The following TENM4 variants were observed in gnomAD, a reference collection of about 807,000 sequenced individuals.
The protein encoded by TENM4 is teneurin-4.
A neutral mutation model predicts 243.3 loss-of-function variants in TENM4; 82 were observed. That is an observed-to-expected ratio of 0.34 (90% CI 0.28 to 0.40). TENM4 has a LOEUF of 0.40. TENM4 is among the 10% of genes least tolerant of loss of function. TENM4 has a pLI of 1.00. For synonymous variants in TENM4, 1,412 were observed against 1,456.3 expected (o/e 0.97, Z 0.69); for missense variants, 3,138 against 3,673.3 (o/e 0.85, Z 3.77).
intron 6 of TENM4, among the ~76,000 whole-genome samples, chr11:79,006,200 C>A (rs762300278): frequency 6.6e-5 from 10 of 152,108 alleles, no homozygotes; most frequent in Non-Finnish European, 8.8e-5. Flanking sequence ...CCTCCCTAAT[C>A]AGTACCTCCC....
chr11:79,115,075 G>A (rs1439070029), intron 4 of TENM4, among the ~76,000 whole-genome samples: 2 of 152,260 alleles, frequency 1.3e-5, no homozygotes, highest in South Asian at 4.1e-4. Flanking sequence ...ATGTATGGAG[G>A]GCTATGAAGA....
intron 6 of TENM4, among the ~76,000 whole-genome samples, chr11:78,944,736 C>G (rs1454407168): frequency 6.6e-6 from 1 of 152,202 alleles, no homozygotes; most frequent in African/African-American, 2.4e-5. Context: ...TTTCTATTTG[C>G]TAGGTACTGG....
intron 6 of TENM4, among the ~76,000 whole-genome samples, chr11:79,062,398 A>T (rs1860116034): frequency 6.6e-6 from 1 of 152,224 alleles, no homozygotes. Context: ...AGCTAGACCC[A>T]AAAAGCGTTT....
intron 1 of TENM4, among the ~76,000 whole-genome samples, chr11:79,383,131 T>C (rs1188721504): frequency 1.3e-5 from 2 of 152,138 alleles, no homozygotes; most frequent in Non-Finnish European, 2.9e-5. Context: ...CTGAGTCCCC[T>C]TTCTGGCCAC....
chr11:79,283,362 A>T (rs1315074169), intron 2 of TENM4, among the ~76,000 whole-genome samples: 1 of 152,152 alleles, frequency 6.6e-6, no homozygotes, highest in Non-Finnish European at 1.5e-5. Flanking sequence ...AAAGAACTAT[A>T]CACCATGACC....
At chr11:79,097,405 A>C (rs547766532) in intron 4 of TENM4, 11 of 152,222 alleles carry the variant, frequency 7.2e-5, no homozygotes, top group African/African-American at 2.4e-4. Context: ...TCCAACATGG[A>C]TCGCCTGCTA....
At chr11:79,258,075 C>T (rs1297318136) in intron 2 of TENM4, among the ~76,000 whole-genome samples, 1 of 152,138 alleles carries the variant, frequency 6.6e-6, no homozygotes, top group Non-Finnish European at 1.5e-5. Context: ...ATCCCCCTTA[C>T]ATTAATGGGG....
chr11:78,707,681 T>C (rs909032337), intron 27 of TENM4, among the ~76,000 whole-genome samples: 2 of 152,250 alleles, frequency 1.3e-5, no homozygotes, highest in Admixed American at 1.3e-4. Context: ...CCTGTAAAAC[T>C]TGCATAAATG....
intron 9 of TENM4, among the ~76,000 whole-genome samples, chr11:78,863,939 A>C (rs1291483086): frequency 6.6e-6 from 1 of 152,254 alleles, no homozygotes; most frequent in African/African-American, 2.4e-5. Flanking sequence ...AAACCAGTCC[A>C]TTGATAAGGG....
chr11:79,420,442 T>C (rs1299486419), intron 1 of TENM4, among the ~76,000 whole-genome samples: 1 of 152,158 alleles, frequency 6.6e-6, no homozygotes, highest in African/African-American at 2.4e-5. Context: ...TCCACAAAGT[T>C]AGCACTTCCC....
chr11:78,985,448 A>G (rs900513814), intron 6 of TENM4, among the ~76,000 whole-genome samples: 5 of 152,228 alleles, frequency 3.3e-5, no homozygotes, highest in African/African-American at 4.8e-5. Context: ...GGTAGTCTTA[A>G]CTTTTTAAAT....
chr11:79,126,334 A>G (rs1165261486), intron 4 of TENM4, among the ~76,000 whole-genome samples: 1 of 152,256 alleles, frequency 6.6e-6, no homozygotes, highest in Non-Finnish European at 1.5e-5. Flanking sequence ...CAGCACCTGC[A>G]TCTTTAAAGA....
chr11:79,018,611 G>A (rs1014137098), intron 6 of TENM4, among the ~76,000 whole-genome samples: 1 of 152,112 alleles, frequency 6.6e-6, no homozygotes, highest in African/African-American at 2.4e-5. Context: ...CTCTGTCTCG[G>A]TAGGAAAGAG....
intron 4 of TENM4, among the ~76,000 whole-genome samples, chr11:79,147,017 G>A (rs948693880): frequency 5.3e-5 from 8 of 152,066 alleles, no homozygotes; most frequent in African/African-American, 1.9e-4. Flanking sequence ...ATAGACGTGT[G>A]TATACAGATA....
intron 15 of TENM4, among the ~76,000 whole-genome samples, chr11:78,789,750 G>A (rs1454118574): frequency 6.6e-6 from 1 of 152,156 alleles, no homozygotes; most frequent in Admixed American, 6.5e-5. Context: ...AGCCCATCAG[G>A]GACCAAGAGA....
intron 3 of TENM4, among the ~76,000 whole-genome samples, chr11:79,155,882 C>G (rs962177361): frequency 6.6e-6 from 1 of 151,878 alleles, no homozygotes; most frequent in African/African-American, 2.4e-5. Context: ...TCTGAAGCCT[C>G]CTGACTGGGT....
chr11:78,881,287 GCT>G (rs1189080596), intron 9 of TENM4, among the ~76,000 whole-genome samples: 1 of 152,140 alleles, frequency 6.6e-6, no homozygotes, highest in Non-Finnish European at 1.5e-5. Flanking sequence ...TTTTCACCCT[GCT>G]CTGTGCCCTG....
chr11:79,197,744 G>T (rs975948276), intron 3 of TENM4, among the ~76,000 whole-genome samples: 8 of 152,282 alleles, frequency 5.3e-5, no homozygotes, highest in East Asian at 1.9e-4. Context: ...GCATTGTTTT[G>T]CTGGGGGACG....
At chr11:79,437,073 T>C (rs1859286089) in intron 1 of TENM4, among the ~76,000 whole-genome samples, 1 of 152,320 alleles carries the variant, frequency 6.6e-6, no homozygotes, top group South Asian at 2.1e-4. Flanking sequence ...ACCCGTTCAC[T>C]CCAGGCAATC....
Sources: gnomAD v4.1 joint callset for allele counts (sites outside exome capture counted in the v4.1 genomes callset) on GRCh38, gnomAD v4.1.1 for gene constraint, MANE v1.5 for transcripts, NCBI Gene and HGNC (gene_info 2026-07-23, HGNC 2026-07-21) for gene names.